Variants in CPD observed in about 807,000 individuals in gnomAD.
CPD encodes carboxypeptidase D.
Under a neutral mutation model 138.3 loss-of-function variants are expected in CPD, and 69 were observed. The ratio of observed to expected loss-of-function variants is 0.50; its 90% CI spans 0.41 to 0.61. The LOEUF is 0.61. CPD is among the 20% of genes least tolerant of loss of function. CPD has a pLI of 0.00. For synonymous variants in CPD, 651 were observed against 642.1 expected, an observed-to-expected ratio of 1.01 and a Z score of -0.21; for missense variants, 1,432 against 1,733.3, an observed-to-expected ratio of 0.83 and a Z score of 3.09.
intron 9 of CPD, among the ~76,000 whole-genome samples, 168 bp from the exon 10 acceptor site, chr17:30,442,140 G>A (rs1410773021): frequency 2.0e-5 from 3 of 152,106 alleles, no homozygotes; most frequent in Non-Finnish European, 1.5e-5. Context: ...GAAGGTATAG[G>A]TGTTTTGCTT....
At chr17:30,419,477 C>G (rs754348380) in intron 2 of CPD, among the ~76,000 whole-genome samples, 3 of 152,068 alleles carry the variant, frequency 2.0e-5, no homozygotes, top group Non-Finnish European at 4.4e-5. Context: ...GTAGCTGGGA[C>G]TACAGGCACG....
At chr17:30,455,286 T>C in intron 14 of CPD, 53 bp from the exon 15 acceptor site, 4 of 1,410,176 alleles carry the variant, frequency 2.8e-6, no homozygotes, top group Non-Finnish European at 3.9e-6. Context: ...TCTTAGATAC[T>C]CATACTAAGA....
chr17:30,453,299 T>G (rs560516072), intron 14 of CPD, among the ~76,000 whole-genome samples: 1 of 152,152 alleles, frequency 6.6e-6, no homozygotes, highest in South Asian at 2.1e-4. Context: ...GTACAGGCAT[T>G]GAGTAAATAC....
In CPD at chr17:30,379,524, C is replaced by T. The variant is rs906548606; in HGVS notation, c.544C>T (p.Leu182Phe). Residue 182 changes from leucine to phenylalanine, a missense_variant, in exon 1 of 21, where the codon CTC (leucine) becomes TTC (phenylalanine). Around this residue, in one of 6 missense-constraint regions of CPD, gnomAD observed 484 missense variants for 477.2 expected, o/e 1.01. Transcript: ENST00000225719. This position sits in a 1 kb window ranked among gnomAD's most constrained non-coding sequence, Gnocchi z 7.0. ...NTTDVYLLPS[L>F]NPDGFERARE... ...CACCGACGTGTACCTGCTGCCCAGC[C>T]TCAACCCCGATGGCTTCGAGCGTGC... 4 of 1,567,976 alleles carry T rather than the reference C, an allele frequency of 2.6e-6. No homozygotes were observed. The highest frequency in any genetic ancestry group is 3.4e-6 in the Non-Finnish European group (4 of 1,162,584).
At chr17:30,437,488 C>A (rs1912733021) in intron 8 of CPD, among the ~76,000 whole-genome samples, 1 of 152,002 alleles carries the variant, frequency 6.6e-6, no homozygotes, top group Non-Finnish European at 1.5e-5. Flanking sequence ...AGTTCGAGAC[C>A]AGCCTGGGCA....
chr17:30,383,788 G>A (rs538257708), intron 1 of CPD, among the ~76,000 whole-genome samples: 83 of 151,968 alleles, frequency 5.5e-4, no homozygotes, highest in African/African-American at 1.9e-3. Flanking sequence ...TAGAATTTCT[G>A]TAGGTCAGTT....
At chr17:30,426,218 A>AC (rs1912404045) in intron 6 of CPD, among the ~76,000 whole-genome samples, 1 of 151,386 alleles carries the variant, frequency 6.6e-6, no homozygotes, top group African/African-American at 2.4e-5. Context: ...AAAAAAAAAA[A>AC]AGAGGTAATG....
Position 30,451,721 on chromosome 17 carries a change from G to A in CPD, c.3080G>A (p.Arg1027Lys). Residue 1027 changes from arginine (R) to lysine (K), a missense_variant, in exon 14 of 21, where the codon AGG (arginine) becomes AAG (lysine). By Grantham distance (26) the Arg-to-Lys change is conservative (BLOSUM62 2). Around this residue, in one of 6 missense-constraint regions of CPD, gnomAD observed 366 missense variants for 518.8 expected, o/e 0.71. Transcript: ENST00000225719. The part of the protein sequence containing the change: ...KNPAVTQLVD[R>K]TRIVIVPSLN... ...CTGTTTGTGCTTCAGTTGGTTGACA[G>A]GACTAGGATTGTGATTGTCCCTTCT... The A allele has an allele frequency of 6.2e-7, 1 of 1,613,760 alleles. No individual in the cohort carries two copies. Among genetic ancestry groups the A allele is most frequent in the Non-Finnish European group, 8.5e-7 (1 of 1,179,798 alleles).
Sources: gnomAD v4.1 joint callset for allele counts (sites outside exome capture counted in the v4.1 genomes callset) on GRCh38, gnomAD v4.1.1 for gene constraint, gnomAD v4.1.1 regional missense constraint, Gnocchi (gnomAD v3.1) non-coding constraint, MANE v1.5 for transcripts, NCBI Gene and HGNC (gene_info 2026-07-23, HGNC 2026-07-21) for gene names.